KCTD8: variants seen among roughly 807,000 people sequenced by gnomAD.
The protein encoded by KCTD8 is BTB/POZ domain-containing protein KCTD8.
In KCTD8, 27 loss-of-function variants were observed where a neutral mutation model predicts 31.5. That is an observed-to-expected ratio of 0.86 (90% CI 0.63 to 1.18). The LOEUF (loss-of-function observed/expected upper bound fraction) is 1.18. KCTD8 is among the 50% of genes most tolerant of loss of function. The pLI is 0.00. For synonymous variants in KCTD8, 290 were observed against 280.0 expected (o/e 1.04, Z -0.36); for missense variants, 658 against 647.7 (o/e 1.02, Z -0.17).
intron 1 of KCTD8, among the ~76,000 whole-genome samples, chr4:44,254,336 T>G (rs1446914266): frequency 6.6e-6 from 1 of 151,858 alleles, no homozygotes; most frequent in Non-Finnish European, 1.5e-5. Context: ...AGGGCAAAGA[T>G]CAAATATAGT....
At chr4:44,409,864 G>A in intron 1 of KCTD8, among the ~76,000 whole-genome samples, 1 of 151,270 alleles carries the variant, frequency 6.6e-6, no homozygotes, top group Non-Finnish European at 1.5e-5. Flanking sequence ...AACAAAAGTA[G>A]GCATAATGCC....
At chr4:44,250,862 C>T (rs1484121441) in intron 1 of KCTD8, among the ~76,000 whole-genome samples, 1 of 151,642 alleles carries the variant, frequency 6.6e-6, no homozygotes, top group Non-Finnish European at 1.5e-5. Flanking sequence ...CAAAACTTGG[C>T]TTTTCATTTA....
At chr4:44,244,848 G>T (rs1165733176) in intron 1 of KCTD8, among the ~76,000 whole-genome samples, 2 of 19,768 alleles carry the variant, frequency 1.0e-4, no homozygotes, top group African/African-American at 2.3e-4. Context: ...CTGTAGTTGT[G>T]GGGGGGGGGG....
chr4:44,330,348 C>G (rs1193528092), intron 1 of KCTD8, among the ~76,000 whole-genome samples: 1 of 151,870 alleles, frequency 6.6e-6, no homozygotes, highest in Non-Finnish European at 1.5e-5. Context: ...CTAGATAGTA[C>G]TAATGTTTTA....
intron 1 of KCTD8, among the ~76,000 whole-genome samples, chr4:44,200,212 C>G (rs1714096768): frequency 6.6e-6 from 1 of 151,168 alleles, no homozygotes; most frequent in Admixed American, 6.6e-5. Flanking sequence ...GTATTTACAG[C>G]CATATTCTAC....
intron 1 of KCTD8, among the ~76,000 whole-genome samples, chr4:44,273,541 G>A (rs373653169): frequency 4.0e-5 from 6 of 151,584 alleles, no homozygotes; most frequent in African/African-American, 1.5e-4. Context: ...TTGAACCACT[G>A]GGAAAAAAGA....
chr4:44,234,281 G>A (rs1254375385), intron 1 of KCTD8, among the ~76,000 whole-genome samples: 1 of 152,124 alleles, frequency 6.6e-6, no homozygotes, highest in East Asian at 1.9e-4. Flanking sequence ...TGTGATTAGT[G>A]TTTGGTTATG....
intron 1 of KCTD8, among the ~76,000 whole-genome samples, chr4:44,414,596 G>C (rs1340780928): frequency 6.6e-6 from 1 of 152,178 alleles, no homozygotes; most frequent in Non-Finnish European, 1.5e-5. Context: ...CAGTCTTCCT[G>C]CAGTCTGGTA....
At chr4:44,337,201 G>A (rs867509023) in intron 1 of KCTD8, among the ~76,000 whole-genome samples, 6 of 152,114 alleles carry the variant, frequency 3.9e-5, no homozygotes, top group African/African-American at 7.2e-5. Context: ...GTTGGCCAGC[G>A]TTCAGTAAAG....
chr4:44,274,440 T>G (rs946584946), intron 1 of KCTD8, among the ~76,000 whole-genome samples: 1 of 151,862 alleles, frequency 6.6e-6, no homozygotes, highest in African/African-American at 2.4e-5. Flanking sequence ...CCTAAAAACT[T>G]TCAGTTTTTC....
rs552453993 is a variant in KCTD8 at position 44,356,074 on chromosome 4, A to T, written c.961+91489T>A. On this transcript the variant is annotated intron_variant, in intron 1 of 1. Coordinates refer to ENST00000360029, the MANE Select transcript of KCTD8 (RefSeq NM_198353.3). ...CATATACTACATATAACTTCTAGCCATACAGGCTTTGCCCCTCATACTTGA... is the reference window on the plus strand; with the variant it reads ...CATATACTACATATAACTTCTAGCCTTACAGGCTTTGCCCCTCATACTTGA... 5.3e-5 allele frequency among the ~76,000 whole-genome samples: 8 copies of T among 152,352 alleles called. No homozygotes were observed. The East Asian group carries it at 9.6e-4, about 18-fold the overall frequency.
At chr4:44,282,450 C>A (rs909177635) in intron 1 of KCTD8, among the ~76,000 whole-genome samples, 1 of 152,078 alleles carries the variant, frequency 6.6e-6, no homozygotes, top group East Asian at 1.9e-4. Context: ...TGAGGTACAA[C>A]AATACTGAAA....
chr4:44,366,641 G>A (rs976290616), intron 1 of KCTD8, among the ~76,000 whole-genome samples: 3 of 150,986 alleles, frequency 2.0e-5, no homozygotes, highest in Non-Finnish European at 4.4e-5. Flanking sequence ...GTAGCCATGC[G>A]GATTAGCCTA....
At chr4:44,384,599 T>A (rs1382664090) in intron 1 of KCTD8, among the ~76,000 whole-genome samples, 1 of 151,474 alleles carries the variant, frequency 6.6e-6, no homozygotes, top group East Asian at 1.9e-4. Flanking sequence ...AAGTAGAGAG[T>A]TGAATAGCGG....
chr4:44,183,481 C>A (rs1713488770), intron 1 of KCTD8, among the ~76,000 whole-genome samples: 1 of 152,044 alleles, frequency 6.6e-6, no homozygotes, highest in South Asian at 2.1e-4. Flanking sequence ...ACAATAGGCC[C>A]AAACTTGTAA....
intron 1 of KCTD8, among the ~76,000 whole-genome samples, chr4:44,203,894 G>C (rs1363059986): frequency 6.6e-6 from 1 of 151,170 alleles, no homozygotes; most frequent in Non-Finnish European, 1.5e-5. Flanking sequence ...AAAACATGAA[G>C]TAATATATAT....
At chr4:44,272,675 G>C (rs1716647623) in intron 1 of KCTD8, among the ~76,000 whole-genome samples, 1 of 152,002 alleles carries the variant, frequency 6.6e-6, no homozygotes, top group South Asian at 2.1e-4. Flanking sequence ...TGTGCATTTT[G>C]ATTAAAAGAT....
At chr4:44,214,452 A>C (rs1265915765) in intron 1 of KCTD8, among the ~76,000 whole-genome samples, 4 of 152,256 alleles carry the variant, frequency 2.6e-5, no homozygotes, top group Non-Finnish European at 5.9e-5. Flanking sequence ...AGGAAACCAC[A>C]TATATCAATA....
At chr4:44,179,990 G>A (rs1713331916) in intron 1 of KCTD8, among the ~76,000 whole-genome samples, 1 of 152,016 alleles carries the variant, frequency 6.6e-6, no homozygotes, top group Admixed American at 6.6e-5. Flanking sequence ...ATTTTATTCA[G>A]TGGCCCAAAG....
Sources: gnomAD v4.1 joint callset for allele counts (sites outside exome capture counted in the v4.1 genomes callset) on GRCh38, gnomAD v4.1.1 for gene constraint, MANE v1.5 for transcripts, NCBI Gene and HGNC (gene_info 2026-07-23, HGNC 2026-07-21) for gene names.